The following OR6C75 variants were observed in gnomAD, a reference collection of about 807,000 sequenced individuals.
OR6C75 encodes the protein olfactory receptor family 6 subfamily C member 75.
For missense variants in OR6C75, 380 were observed against 368.0 expected (o/e 1.03, Z -0.27); for synonymous variants, 149 against 130.6 (o/e 1.14, Z -0.96).
chr12:55,365,940 C>A lies in OR6C75; in HGVS notation c.830C>A (p.Thr277Asn), dbSNP rs939909076. The A allele has an allele frequency of 1.2e-6, 2 of 1,613,320 alleles. No homozygotes were observed. The highest frequency in any genetic ancestry group is 1.7e-6 in the Non-Finnish European group (2 of 1,179,458). ...AGCAAAGGAGTAGCTGTGCTCAATA[C>A]CTCAGTGGCTCCTCTCTTGAATCCC... ...TLSKGVAVLN[T>N]SVAPLLNPFI... The change falls in exon 3 of 3, where the codon ACC becomes AAC. Residue 277 changes from threonine (T) to asparagine (N), a missense_variant. By Grantham distance (65) the Thr-to-Asn change is moderately conservative. Transcript: ENST00000641576.
At position 55,365,671 on chromosome 12, in the gene OR6C75, CACAA is replaced by C. The variant is rs1388119236; in HGVS notation, c.565_568del (p.Asn189LeufsTer4). The C allele has an allele frequency of 1.2e-6, 2 of 1,614,014 alleles. No homozygotes were observed. The highest frequency in any genetic ancestry group is 1.7e-6 in the Non-Finnish European group (2 of 1,180,014). On this transcript the variant is annotated frameshift_variant, in exon 3 of 3. Transcript: ENST00000641576. LOFTEE classifies it low-confidence loss of function (END_TRUNC). ...CTTCTCCAATGCTGCAGCTCTCTTG[CACAA>C]ACACTCACTTTCTAGAACTCATGGC...
At chr12:55,364,286 AT>A (rs960611736) in intron 2 of OR6C75, among the ~76,000 whole-genome samples, 3 of 45,236 alleles carry the variant, frequency 6.6e-5, no homozygotes, top group Non-Finnish European at 1.1e-4. Context: ...CCTAAAGTTA[AT>A]TTTTTTTACA....
chr12:55,366,054 G>A lies in OR6C75; in HGVS notation c.*5G>A. 6.5e-7 allele frequency: 1 copy of A among 1,531,436 alleles called. No homozygotes were observed. The highest frequency in any genetic ancestry group is 8.8e-7 in the Non-Finnish European group (1 of 1,137,734). 94.9% of individuals were successfully genotyped at this position (1,531,436 alleles called of 1,614,324 possible). On this transcript the variant is annotated 3_prime_UTR_variant, in exon 3 of 3. Transcript: ENST00000641576. ...ATTTTTTCTTTAAATAAATGAATGT[G>A]ATTATGTAAAAAATGTACCCCCAAA...
intron 1 of OR6C75, 27 bp downstream of exon 1, chr12:55,363,076 T>C (rs1869708455): frequency 6.6e-6 from 1 of 152,192 alleles, no homozygotes; most frequent in African/African-American, 2.4e-5. Flanking sequence ...CTTCAGATCC[T>C]TGGTGAAATT....
Position 55,365,894 on chromosome 12 carries a change from G to A in OR6C75, c.784G>A (p.Ala262Thr). The A allele has an allele frequency of 1.2e-6, 2 of 1,613,838 alleles. No individual in the cohort carries two copies. The highest frequency in any genetic ancestry group is 1.3e-5 in the African/African-American group (1 of 74,984). ...TATCTTCATGTACATTAAGACTTCT[G>A]CCAGAGAAAGGGTGACTTTAAGCAA... ...SCIFMYIKTS[A>T]RERVTLSKGV... The change falls in exon 3 of 3, where the codon GCC becomes ACC. Residue 262 changes from alanine (A) to threonine (T), a missense_variant. Coordinates refer to ENST00000641576, the MANE Select transcript of OR6C75 (RefSeq NM_001005497.2).
Position 55,365,308 on chromosome 12 carries a change from C to G in OR6C75, c.198C>G (p.Phe66Leu). The G allele has an allele frequency of 6.2e-7, 1 of 1,614,026 alleles. No individual in the cohort carries two copies. Among genetic ancestry groups the G allele is most frequent in the African/African-American group, 1.3e-5 (1 of 75,026 alleles). Residue 66 changes from phenylalanine (F) to leucine (L), a missense_variant, in exon 3 of 3, where the codon TTC (phenylalanine) becomes TTG (leucine). Phe to Leu is a conservative substitution (Grantham distance 22, BLOSUM62 0). Coordinates refer to ENST00000641576, the MANE Select transcript of OR6C75 (RefSeq NM_001005497.2). ...ATTTCTTCCTTCGGAACTTCTCATTCCTGGAAATTTCATTCACGTCTGTCT... is the reference window on the plus strand; with the variant it reads ...ATTTCTTCCTTCGGAACTTCTCATTGCTGGAAATTTCATTCACGTCTGTCT... ...PMYFFLRNFS[F>L]LEISFTSVCI...
At chr12:55,364,128 G>A (rs1244364938) in intron 2 of OR6C75, among the ~76,000 whole-genome samples, 3 of 150,320 alleles carry the variant, frequency 2.0e-5, no homozygotes, top group African/African-American at 7.3e-5. Flanking sequence ...ACAGGCGTGC[G>A]TCACCATGCC....
intron 2 of OR6C75, among the ~76,000 whole-genome samples, chr12:55,364,208 C>G (rs190232790): frequency 6.6e-6 from 1 of 150,660 alleles, no homozygotes; most frequent in African/African-American, 2.4e-5. Context: ...CTCGAACTGA[C>G]CTCAGGTGAT....
At position 55,368,889 on chromosome 12, in the gene OR6C75, A is replaced by G. The variant is rs1193004524; in HGVS notation, c.*2840A>G. 1 of 152,138 alleles carries G rather than the reference A, an allele frequency of 6.6e-6. No homozygotes were observed. The highest frequency in any genetic ancestry group is 1.5e-5 in the Non-Finnish European group (1 of 68,022). 9.4% of individuals were successfully genotyped at this position (152,138 alleles called of 1,614,324 possible). On this transcript the variant is annotated 3_prime_UTR_variant, in exon 3 of 3. Transcript: ENST00000641576. The stretch of plus-strand genomic sequence containing the variant: ...GGCATACTTTTTTTTAAAACAGATT[A>G]TAATATAATATCATCACAAAATGAA...
chr12:55,363,375 A>T (rs1023073559), intron 1 of OR6C75, among the ~76,000 whole-genome samples: 1 of 152,082 alleles, frequency 6.6e-6, no homozygotes, highest in Non-Finnish European at 1.5e-5. Flanking sequence ...GTTTTATATA[A>T]ATTCAGTTAT....
At position 55,367,015 on chromosome 12, in the gene OR6C75, T is replaced by C. The variant is rs1021339048; in HGVS notation, c.*966T>C. 6.6e-6 allele frequency: 1 copy of C among 152,180 alleles called. No homozygotes were observed. The highest frequency in any genetic ancestry group is 1.5e-5 in the Non-Finnish European group (1 of 68,010). 9.4% of individuals were successfully genotyped at this position (152,180 alleles called of 1,614,324 possible). A position where few individuals can be genotyped will look rare whatever the true frequency, so the allele number is the denominator to read the frequency against. On this transcript the variant is annotated 3_prime_UTR_variant, in exon 3 of 3. Coordinates refer to ENST00000641576, the MANE Select transcript of OR6C75 (RefSeq NM_001005497.2). ...ATGACAAAGTAAGAGTCTACAATGG[T>C]GTGATACTGCCCTTTTATAAGGTAT... is the stretch of plus-strand genomic sequence containing the variant.
Position 55,365,047 on chromosome 12 carries a change from GT to G in OR6C75, c.-60del. On this transcript the variant is annotated 5_prime_UTR_variant, in exon 3 of 3. It removes the in-frame stop codon of an upstream open reading frame in the 5' UTR. Transcript: ENST00000641576. ...AATAATTTTCTTTACTGGTGTCATAGTTTTCTGGTTTCTTCACCTATTTTAC... is the reference window on the plus strand; with the variant it reads ...AATAATTTTCTTTACTGGTGTCATAGTTTCTGGTTTCTTCACCTATTTTAC... 2.7e-6 allele frequency: 3 copies of G among 1,090,988 alleles called. No homozygotes were observed. Among genetic ancestry groups the G allele is most frequent in the Non-Finnish European group, 4.0e-6 (3 of 743,878 alleles). The allele number at this position is 1,090,988 out of a possible 1,614,324, so 67.6% of individuals were successfully genotyped here.
intron 2 of OR6C75, among the ~76,000 whole-genome samples, chr12:55,364,379 G>A (rs1214506709): frequency 6.2e-5 from 7 of 112,912 alleles, no homozygotes; most frequent in African/African-American, 2.4e-4. Context: ...AGGCTGGAGT[G>A]CAATGGTGCG....
chr12:55,365,752 C>A lies in OR6C75; in HGVS notation c.642C>A (p.Leu214=). The A allele has an allele frequency of 6.2e-7, 1 of 1,614,032 alleles. No individual in the cohort carries two copies. Among genetic ancestry groups the A allele is most frequent in the Non-Finnish European group, 8.5e-7 (1 of 1,179,992 alleles). Residue 214 remains leucine (L), a synonymous_variant, in exon 3 of 3, where the codon CTC becomes CTA. Transcript: ENST00000641576. The part of the protein sequence containing the change: ...TLMVTLTLVI[L]SYTNIIRTIL... ...TGGTCACCTTGACATTAGTTATTCTCTCCTACACAAACATCATCCGGACAA... is the reference window on the plus strand; with the variant it reads ...TGGTCACCTTGACATTAGTTATTCTATCCTACACAAACATCATCCGGACAA...
At position 55,365,444 on chromosome 12, in the gene OR6C75, CT is replaced by C; in HGVS notation, c.336del (p.Leu113TrpfsTer22). The C allele has an allele frequency of 6.2e-7, 1 of 1,613,934 alleles. No individual in the cohort carries two copies. Among genetic ancestry groups the C allele is most frequent in the Non-Finnish European group, 8.5e-7 (1 of 1,179,978 alleles). On this transcript the variant is annotated frameshift_variant, in exon 3 of 3. Coordinates refer to ENST00000641576, the MANE Select transcript of OR6C75 (RefSeq NM_001005497.2). LOFTEE classifies it low-confidence loss of function (END_TRUNC). ...CTTCTTGGGGGTGACAGAATTTTAC[CT>C]TCTGGCTGCCATGTCCTATGACCGC... ...FIFLGVTEFY[L>X]LAAMSYDRCM...
In OR6C75 at chr12:55,365,845, T is replaced by C. The variant is rs753316331; in HGVS notation, c.735T>C (p.Val245=). ...AFSTCSSHMI[V]VSISYSSCIF... ...CCACTTGCTCCTCCCATATGATAGT[T>C]GTCTCCATCTCTTACAGTAGCTGTA... Residue 245 remains valine (V), a synonymous_variant, in exon 3 of 3, where the codon GTT becomes GTC. Transcript: ENST00000641576. The C allele has an allele frequency of 2.5e-6, 4 of 1,613,756 alleles. No individual in the cohort carries two copies. The Admixed American group carries it at 6.7e-5, about 27-fold the overall frequency.
chr12:55,364,342 T>TTTTTTTTTTTTTTTTTTGA (rs1869741119), intron 2 of OR6C75, among the ~76,000 whole-genome samples: 2 of 115,304 alleles, frequency 1.7e-5, no homozygotes, highest in African/African-American at 3.7e-5. Context: ...TTTTTTTTTT[T>TTTTTTTTTTTTTTTTTTGA]GACACGGAAT....
In OR6C75 at chr12:55,366,146, A is replaced by G; in HGVS notation, c.*97A>G. The G allele has an allele frequency of 4.3e-6, 3 of 692,306 alleles. No individual in the cohort carries two copies. In the East Asian group the frequency reaches 8.2e-5, roughly 19 times the overall value. The allele number at this position is 692,306 out of a possible 1,614,324, so 42.9% of individuals were successfully genotyped here. A position where few individuals can be genotyped will look rare whatever the true frequency, so the allele number is the denominator to read the frequency against. ...ACTCTTTCTAAACACCTTATTTCAC[A>G]CTTTTAGTTAGACATAGTTACATAT... On this transcript the variant is annotated 3_prime_UTR_variant, in exon 3 of 3. Transcript: ENST00000641576.
Position 55,365,338 on chromosome 12 carries a change from T to A in OR6C75, c.228T>A (p.Ile76=). The change falls in exon 3 of 3, where the codon ATT becomes ATA. Residue 76 remains isoleucine (I), a synonymous_variant. Coordinates refer to ENST00000641576, the MANE Select transcript of OR6C75 (RefSeq NM_001005497.2). ...FLEISFTSVC[I]PRFLVTVVTG... ...AAATTTCATTCACGTCTGTCTGCAT[T>A]CCCAGATTCCTTGTCACTGTTGTGA... 1 of 1,614,078 alleles carries A rather than the reference T, an allele frequency of 6.2e-7. No homozygotes were observed. Among genetic ancestry groups the A allele is most frequent in the Non-Finnish European group, 8.5e-7 (1 of 1,179,928 alleles).
Sources: allele counts gnomAD v4.1 joint callset (sites outside exome capture counted in the v4.1 genomes callset), GRCh38; gene constraint gnomAD v4.1.1; transcripts MANE v1.5; gene names NCBI Gene and HGNC (gene_info 2026-07-23, HGNC 2026-07-21).